Variants in MAD1L1 observed in about 807,000 individuals in gnomAD.
The protein encoded by MAD1L1 is mitotic arrest deficient 1 like 1.
MAD1L1 carries 95 observed loss-of-function variants against 96.9 expected under a neutral mutation model. That is an observed-to-expected ratio of 0.98 (90% CI 0.83 to 1.16). The LOEUF is 1.16. Among genes scored for constraint, MAD1L1 ranks in the 50% most tolerant of loss-of-function variants. MAD1L1 has a pLI of 0.00. For synonymous variants in MAD1L1, 473 were observed against 396.6 expected, an observed-to-expected ratio of 1.19 and a Z score of -2.29; for missense variants, 1,007 against 954.4, an observed-to-expected ratio of 1.06 and a Z score of -0.73.
At chr7:2,219,099 TAAG>T (rs1793447022) in intron 6 of MAD1L1, among the ~76,000 whole-genome samples, 2 of 152,072 alleles carry the variant, frequency 1.3e-5, no homozygotes, top group South Asian at 2.1e-4. Context: ...GAGCCCTCTC[TAAG>T]AAGGAGGGGG....
At chr7:1,952,546 C>CG (rs1718595763) in intron 16 of MAD1L1, among the ~76,000 whole-genome samples, 1 of 151,260 alleles carries the variant, frequency 6.6e-6, no homozygotes, top group Non-Finnish European at 1.5e-5. Flanking sequence ...CCTTGGCCCC[C>CG]GCTGTGCCCT....
chr7:2,011,566 C>T (rs1199194863), intron 13 of MAD1L1, among the ~76,000 whole-genome samples: 3 of 152,166 alleles, frequency 2.0e-5, no homozygotes, highest in African/African-American at 7.2e-5. Flanking sequence ...GCACAGGCTC[C>T]GCAGGTGACC....
rs539922161 is a variant in MAD1L1, at chr7:2,081,857, T to C, written c.1074-12519A>G. Among the ~76,000 whole-genome samples the C allele has an allele frequency of 3.6e-3, 554 of 152,294 alleles. 4 individuals carry two copies. The highest frequency in any genetic ancestry group is 0.013 in the African/African-American group (544 of 41,554). ...TCAGGGTGGGGAGGCTGGGCCTTCATGCGAGTGGCCAACAGAGATCACGGG... is the reference window on the plus strand; with the variant it reads ...TCAGGGTGGGGAGGCTGGGCCTTCACGCGAGTGGCCAACAGAGATCACGGG... On this transcript the variant is annotated intron_variant, in intron 11 of 18. Coordinates refer to ENST00000265854, the MANE Select transcript of MAD1L1 (RefSeq NM_001013836.2).
chr7:1,934,861 A>T (rs1778489926), intron 17 of MAD1L1, among the ~76,000 whole-genome samples: 1 of 151,994 alleles, frequency 6.6e-6, no homozygotes, highest in Non-Finnish European at 1.5e-5. Flanking sequence ...CCCAGACAAC[A>T]GGTGAACGAA....
At chr7:1,972,615 A>G (rs79396002) in intron 15 of MAD1L1, among the ~76,000 whole-genome samples, 10 of 150,328 alleles carry the variant, frequency 6.7e-5, no homozygotes, top group African/African-American at 2.5e-4. Context: ...TTTTTTTTCC[A>G]AAAAAGCCAG....
intron 12 of MAD1L1, among the ~76,000 whole-genome samples, chr7:2,015,744 G>A (rs1782511421): frequency 6.6e-6 from 1 of 152,228 alleles, no homozygotes; most frequent in South Asian, 2.1e-4. Context: ...ACATGATCAG[G>A]GAGCCAGCCC....
intron 11 of MAD1L1, among the ~76,000 whole-genome samples, chr7:2,112,042 C>T (rs531105866): frequency 2.6e-5 from 4 of 152,334 alleles, no homozygotes; most frequent in African/African-American, 9.6e-5. Flanking sequence ...AGTCCCAGAG[C>T]AGCCGTGCCT....
chr7:2,200,393 C>G (rs1384561622), intron 10 of MAD1L1: 2 of 152,346 alleles, frequency 1.3e-5, no homozygotes, highest in Non-Finnish European at 2.9e-5. Context: ...CACAGGGGGT[C>G]TAAGGAAGGT....
intron 18 of MAD1L1, chr7:1,817,229 C>T (rs1402467313): frequency 6.6e-6 from 1 of 152,160 alleles, no homozygotes; most frequent in African/African-American, 2.4e-5. Context: ...CTCCGCGTCG[C>T]TGGCGGGAGC....
chr7:2,196,047 A>G (rs1280300356), intron 10 of MAD1L1, among the ~76,000 whole-genome samples: 2 of 152,230 alleles, frequency 1.3e-5, no homozygotes, highest in Non-Finnish European at 2.9e-5. Context: ...GGCCAGCCAG[A>G]TGGATGGAGG....
At chr7:2,008,580 G>A (rs1325753928) in intron 13 of MAD1L1, among the ~76,000 whole-genome samples, 3 of 152,222 alleles carry the variant, frequency 2.0e-5, no homozygotes, top group East Asian at 1.9e-4. Flanking sequence ...CCCAAGGCCC[G>A]GGGTGGGGGC....
At chr7:2,108,381 G>A (rs1787205060) in intron 11 of MAD1L1, among the ~76,000 whole-genome samples, 1 of 152,186 alleles carries the variant, frequency 6.6e-6, no homozygotes, top group Non-Finnish European at 1.5e-5. Context: ...AGGACAGAGA[G>A]GAAGATGAGT....
At chr7:2,080,418 G>A (rs1389626073) in intron 11 of MAD1L1, among the ~76,000 whole-genome samples, 1 of 152,188 alleles carries the variant, frequency 6.6e-6, no homozygotes, top group Non-Finnish European at 1.5e-5. Context: ...GCGACTGCAT[G>A]TCCCCCACAA....
chr7:2,013,797 A>C (rs983361483), intron 13 of MAD1L1, among the ~76,000 whole-genome samples: 8 of 150,198 alleles, frequency 5.3e-5, no homozygotes, highest in African/African-American at 2.0e-4. Context: ...TGTAGATGAG[A>C]AGTGTGGATG....
chr7:2,084,332 C>G (rs894270745), intron 11 of MAD1L1, among the ~76,000 whole-genome samples: 3 of 152,230 alleles, frequency 2.0e-5, no homozygotes, highest in Non-Finnish European at 4.4e-5. Context: ...CAGCCACGGG[C>G]AGCGCGAGGC....
At position 2,119,388 on chromosome 7, in the gene MAD1L1, G is replaced by A. The variant is rs1055403764; in HGVS notation, c.1073+29764C>T. On this transcript the variant is annotated intron_variant, in intron 11 of 18. Transcript: ENST00000265854. This position sits in a 1 kb window ranked among gnomAD's most constrained non-coding sequence, Gnocchi z 4.6. ...GCCCACATGGTTTAGGACGGGGTGA[G>A]AGTCCTCCATCTCCCACCCAGATGC... Among the ~76,000 whole-genome samples, 1 of 152,158 alleles carries A rather than the reference G, an allele frequency of 6.6e-6. No individual in the cohort carries two copies. The highest frequency in any genetic ancestry group is 2.4e-5 in the African/African-American group (1 of 41,436).
Position 2,210,496 on chromosome 7 carries a change from T to TGCGGCATGAGCA in MAD1L1, c.986+2715_986+2716insTGCTCATGCCGC, listed in dbSNP as rs1562375348. Among the ~76,000 whole-genome samples, 2 of 74,602 alleles carry TGCGGCATGAGCA rather than the reference T, an allele frequency of 2.7e-5. 1 individual carries two copies. Among genetic ancestry groups the TGCGGCATGAGCA allele is most frequent in the Non-Finnish European group, 7.1e-5 (2 of 28,086 alleles). The allele number at this position is 74,602 out of a possible 152,430, so 48.9% of individuals were successfully genotyped here. On this transcript the variant is annotated intron_variant, in intron 10 of 18. Coordinates refer to ENST00000265854, the MANE Select transcript of MAD1L1 (RefSeq NM_001013836.2). ...ACCGCCAGCCCGCATTCCCGTGGAC[T>TGCGGCATGAGCA]CTCTAGGAGCCGTATTCGGGACCGC...
intron 18 of MAD1L1, among the ~76,000 whole-genome samples, chr7:1,860,804 C>A (rs1452274483): frequency 1.3e-5 from 2 of 152,200 alleles, no homozygotes; most frequent in South Asian, 4.1e-4. Flanking sequence ...GAAGGGATGC[C>A]GTGAGCATCC....
intron 16 of MAD1L1, among the ~76,000 whole-genome samples, chr7:1,944,970 C>T (rs1038609706): frequency 6.6e-6 from 1 of 152,212 alleles, no homozygotes; most frequent in Non-Finnish European, 1.5e-5. Context: ...GTGCAGTGGC[C>T]ACCAAGGGAG....
Sources: gnomAD v4.1 joint callset for allele counts (sites outside exome capture counted in the v4.1 genomes callset) on GRCh38, gnomAD v4.1.1 for gene constraint, Gnocchi (gnomAD v3.1) non-coding constraint, MANE v1.5 for transcripts, NCBI Gene and HGNC (gene_info 2026-07-23, HGNC 2026-07-21) for gene names.